Variants in HAGH observed in about 807,000 individuals in gnomAD.
HAGH encodes the protein hydroxyacylglutathione hydrolase, also known as hydroxyacylglutathione hydrolase, mitochondrial.
Under a neutral mutation model 35.1 loss-of-function variants are expected in HAGH, and 29 were observed. That is an observed-to-expected ratio of 0.83 (90% CI 0.62 to 1.13). The LOEUF is 1.13. Ranked by LOEUF, HAGH falls within the 50% of genes most tolerant of loss-of-function variation. The probability of loss-of-function intolerance (pLI) is 0.00; values close to 1 mark genes in which losing one functional copy is unlikely to be tolerated. For missense variants in HAGH, 478 were observed against 419.6 expected, an observed-to-expected ratio of 1.14 and a Z score of -1.22; for synonymous variants, 225 against 176.1, an observed-to-expected ratio of 1.28 and a Z score of -2.20.
At chr16:1,827,171 T>A, upstream of HAGH, 1 of 1,544,664 alleles carries the variant, frequency 6.5e-7, no homozygotes, top group Non-Finnish European at 8.8e-7. Context: ...GTTGGTCCTC[T>A]CCGGGATGCC....
intron 5 of HAGH, among the ~76,000 whole-genome samples, chr16:1,817,528 A>G (rs573774321): frequency 2.0e-5 from 3 of 149,900 alleles, no homozygotes; most frequent in Admixed American, 6.6e-5. Context: ...ACTGCCCCCA[A>G]TCCCACCAAC....
intron 1 of HAGH, among the ~76,000 whole-genome samples, chr16:1,824,976 C>T (rs929699947): frequency 7.9e-5 from 12 of 152,294 alleles, no homozygotes; most frequent in African/African-American, 2.9e-4. Context: ...GAGTGCCGGG[C>T]GTCCTCCTGG....
In HAGH at chr16:1,820,088, G is replaced by A. The variant is rs902187337; in HGVS notation, c.315-74C>T. On this transcript the variant is annotated intron_variant, in intron 3 of 8. Transcript: ENST00000397356. ...GCCTGCTGAGCTGAGGGGGCTGCCT[G>A]CTGAGCTGAGGGGCTGCCTGCTGCT... The A allele has an allele frequency of 3.9e-5, 31 of 793,182 alleles. No homozygotes were observed. In the East Asian group the frequency reaches 6.6e-4, roughly 17 times the overall value. The allele number at this position is 793,182 out of a possible 1,614,324, so 49.1% of individuals were successfully genotyped here.
In HAGH at chr16:1,807,678, G is replaced by C. The variant is rs1204093369; in HGVS notation, c.*1605C>G. 1 of 152,238 alleles carries C rather than the reference G, an allele frequency of 6.6e-6. No individual in the cohort carries two copies. The highest frequency in any genetic ancestry group is 1.9e-4 in the East Asian group (1 of 5,202). 9.4% of individuals were successfully genotyped at this position (152,238 alleles called of 1,614,324 possible). A position where few individuals can be genotyped will look rare whatever the true frequency, so the allele number is the denominator to read the frequency against. On this transcript the variant is annotated 3_prime_UTR_variant, in exon 9 of 9. Transcript: ENST00000397356. ...AGATTCTGGCCTAAGAATATTTGCT[G>C]AACAATAGAACAAACTCTTTGCGCT...
intron 7 of HAGH, among the ~76,000 whole-genome samples, chr16:1,814,969 A>C (rs953094166): frequency 5.9e-5 from 9 of 151,922 alleles, no homozygotes; most frequent in Non-Finnish European, 7.4e-5. Flanking sequence ...ATATATATAT[A>C]TCTCACAAAG....
chr16:1,824,367 C>A (rs1041327751), intron 1 of HAGH, among the ~76,000 whole-genome samples: 4 of 152,244 alleles, frequency 2.6e-5, no homozygotes, highest in Non-Finnish European at 5.9e-5. Context: ...CACCATCCAA[C>A]TGACCCAAAG....
chr16:1,816,969 G>A lies in HAGH; in HGVS notation c.671C>T (p.Thr224Ile). 1.2e-6 allele frequency: 2 copies of A among 1,612,966 alleles called. No homozygotes were observed. Among genetic ancestry groups the A allele is most frequent in the East Asian group, 2.2e-5 (1 of 44,868 alleles). Residue 224 changes from threonine to isoleucine, a missense_variant, in exon 7 of 9, where the codon ACC (threonine) becomes ATC (isoleucine). Thr to Ile is a moderately conservative substitution (Grantham distance 89). Transcript: ENST00000397356. Reference protein sequence around the residue: ...DTRVYCGHEYTINNLKFARHV... With the variant: ...DTRVYCGHEYIINNLKFARHV... ...GCGTGCAAACTTGAGGTTGTTGATGGTGTACTCGTGGCCACAGTAGACTCT... is the reference window on the plus strand; with the variant it reads ...GCGTGCAAACTTGAGGTTGTTGATGATGTACTCGTGGCCACAGTAGACTCT...
Position 1,809,292 on chromosome 16 carries a change from G to T in HAGH, c.918C>A (p.Pro306=). The change falls in exon 9 of 9, where the codon CCC becomes CCA. Residue 306 remains proline, a synonymous_variant. Coordinates refer to ENST00000397356, the MANE Select transcript of HAGH (RefSeq NM_005326.6). ...VRREKDQFKM[P]RD is the part of the protein sequence containing the mutation. ...AAGGTGCAGGGCGGCCTCAGTCCCGGGGCATCTTGAACTGGTCCTTCTCCC... is the reference window on the plus strand; with the variant it reads ...AAGGTGCAGGGCGGCCTCAGTCCCGTGGCATCTTGAACTGGTCCTTCTCCC... The T allele has an allele frequency of 6.2e-7, 1 of 1,608,472 alleles. No homozygotes were observed. Among genetic ancestry groups the T allele is most frequent in the South Asian group, 1.1e-5 (1 of 90,756 alleles).
chr16:1,812,935 C>A (rs1384604544), intron 7 of HAGH, among the ~76,000 whole-genome samples: 1 of 152,208 alleles, frequency 6.6e-6, no homozygotes, highest in Admixed American at 6.5e-5. Context: ...GTGCCCACGC[C>A]TTCCCAGCAG....
chr16:1,824,321 A>C (rs1481500030), intron 1 of HAGH, among the ~76,000 whole-genome samples: 1 of 138,912 alleles, frequency 7.2e-6, no homozygotes, highest in Non-Finnish European at 1.6e-5. Flanking sequence ...AGTTGGCCAC[A>C]ACTGCCCCCA....
chr16:1,819,111 G>A lies in HAGH; in HGVS notation c.541+4C>T, dbSNP rs369742161. 2.7e-5 allele frequency: 42 copies of A among 1,577,102 alleles called. No individual in the cohort carries two copies. The highest frequency in any genetic ancestry group is 2.0e-4 in the African/African-American group (15 of 74,336). On this transcript the variant is annotated splice_donor_region_variant and intron_variant, in intron 5 of 8. Coordinates refer to ENST00000397356, the MANE Select transcript of HAGH (RefSeq NM_005326.6). ...CCCGCCCCCACCCACACTCGAACAC[G>A]CACCTGTGAACACGGCAGGGGGCTC...
intron 7 of HAGH, 90 bp from the exon 8 acceptor site, chr16:1,809,923 G>A: frequency 1.1e-6 from 1 of 927,008 alleles, no homozygotes; most frequent in Non-Finnish European, 1.8e-6. Context: ...CAGCACTTTG[G>A]GAGGCTAAGG....
intron 8 of HAGH, 91 bp from the exon 9 acceptor site, chr16:1,809,473 C>T: frequency 9.4e-7 from 1 of 1,062,796 alleles, no homozygotes; most frequent in Non-Finnish European, 1.4e-6. Context: ...CTCGTGCTGG[C>T]CGAGCCCAGC....
chr16:1,812,773 C>G (rs1035270234), intron 7 of HAGH, among the ~76,000 whole-genome samples: 1 of 152,168 alleles, frequency 6.6e-6, no homozygotes, highest in South Asian at 2.1e-4. Flanking sequence ...AAAGATACTG[C>G]TAAGAAAACC....
chr16:1,817,034 C>G (rs1897930055), intron 6 of HAGH, 40 bp from the exon 7 acceptor site: 22 of 1,475,572 alleles, frequency 1.5e-5, no homozygotes, highest in Non-Finnish European at 2.1e-5. Flanking sequence ...AAGGCTGTTA[C>G]CACCTGTGAA....
chr16:1,821,105 G>A (rs1448801576), intron 3 of HAGH, among the ~76,000 whole-genome samples: 1 of 152,196 alleles, frequency 6.6e-6, no homozygotes, highest in Non-Finnish European at 1.5e-5. Context: ...TCGCACGACA[G>A]GCAGGCCAAC....
rs1301718056 is a variant in HAGH, at chr16:1,817,110, G to A, written c.645+58C>T. 5 of 1,361,980 alleles carry A rather than the reference G, an allele frequency of 3.7e-6. No homozygotes were observed. In the East Asian group the frequency reaches 6.9e-5, roughly 19 times the overall value. 84.4% of individuals were successfully genotyped at this position (1,361,980 alleles called of 1,614,324 possible). ...CGGTGAGAGGGTGCCAGGAGGGAGAGCAGCCCCGCCCTGGTTAAGGCCCCC... is the reference window on the plus strand; with the variant it reads ...CGGTGAGAGGGTGCCAGGAGGGAGAACAGCCCCGCCCTGGTTAAGGCCCCC... On this transcript the variant is annotated intron_variant, in intron 6 of 8. Transcript: ENST00000397356.
Position 1,817,161 on chromosome 16 carries a change from T to TG in HAGH, c.645+6dup. The TG allele has an allele frequency of 6.3e-7, 1 of 1,576,198 alleles. No individual in the cohort carries two copies. The highest frequency in any genetic ancestry group is 8.7e-7 in the Non-Finnish European group (1 of 1,145,436). ...CACACCCCGGCCCGCAGGGAGGCGC[T>TG]GCCTACTGTGTCCGGGGGGAGCCGG... On this transcript the variant is annotated splice_region_variant and intron_variant, in intron 6 of 8. Coordinates refer to ENST00000397356, the MANE Select transcript of HAGH (RefSeq NM_005326.6).
At chr16:1,816,583 C>T (rs1419512111) in intron 7 of HAGH, among the ~76,000 whole-genome samples, 3 of 152,358 alleles carry the variant, frequency 2.0e-5, no homozygotes, top group Admixed American at 6.5e-5. Context: ...CACAGAGCCA[C>T]GTTCTGTGGC....
Sources: gnomAD v4.1 joint callset for allele counts (sites outside exome capture counted in the v4.1 genomes callset) on GRCh38, gnomAD v4.1.1 for gene constraint, MANE v1.5 for transcripts, NCBI Gene and HGNC (gene_info 2026-07-23, HGNC 2026-07-21) for gene names.